Variants in C1QTNF3 observed in about 807,000 individuals in gnomAD.
C1QTNF3 encodes the protein C1q and TNF related 3.
A neutral mutation model predicts 32.6 loss-of-function variants in C1QTNF3; 26 were observed. The observed-to-expected ratio is 0.80, with a 90% confidence interval of 0.58 to 1.11. The LOEUF (loss-of-function observed/expected upper bound fraction) is 1.11. Among genes scored for constraint, C1QTNF3 ranks in the 50% least tolerant of loss-of-function variants. The pLI, the probability that C1QTNF3 is intolerant of heterozygous loss-of-function variation, is 0.00. For missense variants in C1QTNF3, 362 were observed against 398.2 expected, an observed-to-expected ratio of 0.91 and a Z score of 0.77; for synonymous variants, 155 against 146.0, an observed-to-expected ratio of 1.06 and a Z score of -0.44.
chr5:34,135,427 G>T, the C1QTNF3 span, among the ~76,000 whole-genome samples: 2 of 152,016 alleles, frequency 1.3e-5, no homozygotes, highest in African/African-American at 4.8e-5. Flanking sequence ...GATGAGGTTG[G>T]CCTCATAAAA....
At chr5:34,237,155 G>A in the C1QTNF3 span, among the ~76,000 whole-genome samples, 4 of 152,106 alleles carry the variant, frequency 2.6e-5, no homozygotes, top group Admixed American at 6.5e-5. Context: ...TTACATAAAG[G>A]TAAGCGGAGT....
At chr5:34,144,648 A>G in the C1QTNF3 span, among the ~76,000 whole-genome samples, 1 of 152,238 alleles carries the variant, frequency 6.6e-6, no homozygotes, top group Non-Finnish European at 1.5e-5. Flanking sequence ...TTACACAAAT[A>G]CATTAAAATT....
chr5:34,101,175 A>G, the C1QTNF3 span, among the ~76,000 whole-genome samples: 3 of 152,124 alleles, frequency 2.0e-5, no homozygotes, highest in East Asian at 5.8e-4. Flanking sequence ...AAATAAAATT[A>G]TAATTAGTCA....
At chr5:34,058,033 T>A in the C1QTNF3 span, among the ~76,000 whole-genome samples, 1 of 152,114 alleles carries the variant, frequency 6.6e-6, no homozygotes. Context: ...AAAGAAGAAG[T>A]TTGTCCTGTT....
At chr5:34,223,818 A>C in the C1QTNF3 span, among the ~76,000 whole-genome samples, 238 of 152,268 alleles carry the variant, frequency 1.6e-3, 1 homozygote, top group African/African-American at 5.5e-3. Flanking sequence ...AGGCAGGAGA[A>C]GGAAAGAAAG....
chr5:34,028,380 C>T (rs1410012474), intron 4 of C1QTNF3, among the ~76,000 whole-genome samples: 1 of 152,154 alleles, frequency 6.6e-6, no homozygotes, highest in Non-Finnish European at 1.5e-5. Flanking sequence ...AGTTATGACA[C>T]ATTTAAACTG....
At chr5:34,208,480 CCTCT>C in the C1QTNF3 span, among the ~76,000 whole-genome samples, 7 of 151,994 alleles carry the variant, frequency 4.6e-5, no homozygotes, top group African/African-American at 1.7e-4. Context: ...AGTAGCACAC[CCTCT>C]CTTTCACAGT....
intron 3 of C1QTNF3, 102 bp from the exon 4 acceptor site, chr5:34,028,985 G>T (rs1280478245): frequency 4.4e-6 from 4 of 918,452 alleles, no homozygotes; most frequent in East Asian, 2.7e-5. Flanking sequence ...CAGCAAGATT[G>T]GGAATAAACA....
At chr5:34,122,523 G>T in the C1QTNF3 span, among the ~76,000 whole-genome samples, 1 of 152,220 alleles carries the variant, frequency 6.6e-6, no homozygotes, top group Non-Finnish European at 1.5e-5. Context: ...GGAAATTTCT[G>T]AGCAAAGTAT....
chr5:34,142,953 G>C, the C1QTNF3 span, among the ~76,000 whole-genome samples: 1 of 152,148 alleles, frequency 6.6e-6, no homozygotes, highest in Non-Finnish European at 1.5e-5. Flanking sequence ...TGAGATGATG[G>C]ACATAGAATT....
chr5:34,103,842 C>A, the C1QTNF3 span, among the ~76,000 whole-genome samples: 3 of 151,504 alleles, frequency 2.0e-5, no homozygotes, highest in African/African-American at 7.3e-5. Context: ...AAAAGGTAGT[C>A]AAATCACGTT....
chr5:34,156,064 T>C, the C1QTNF3 span, among the ~76,000 whole-genome samples: 1 of 152,192 alleles, frequency 6.6e-6, no homozygotes, highest in South Asian at 2.1e-4. Flanking sequence ...TCTCCAAATT[T>C]TTAAAAATTA....
chr5:34,139,982 G>A, the C1QTNF3 span, among the ~76,000 whole-genome samples: 1 of 152,078 alleles, frequency 6.6e-6, no homozygotes, highest in Non-Finnish European at 1.5e-5. Context: ...TTCATTATTG[G>A]TTATAGCTTA....
chr5:34,132,005 ATAGT>A, the C1QTNF3 span, among the ~76,000 whole-genome samples: 1 of 152,226 alleles, frequency 6.6e-6, no homozygotes, highest in South Asian at 2.1e-4. Flanking sequence ...ATAAATTTAC[ATAGT>A]TAAAATAGAG....
At chr5:34,131,009 G>C in the C1QTNF3 span, among the ~76,000 whole-genome samples, 1 of 152,146 alleles carries the variant, frequency 6.6e-6, no homozygotes, top group African/African-American at 2.4e-5. Flanking sequence ...ACACTATATA[G>C]GTTTTGATTA....
intron 5 of C1QTNF3, 76 bp downstream of exon 5, chr5:34,023,833 G>A (rs576897159): frequency 4.7e-5 from 55 of 1,176,952 alleles, no homozygotes; most frequent in African/African-American, 2.9e-4. Flanking sequence ...ACTCCTATAC[G>A]CTTCCCTGTC....
chr5:34,061,944 T>C, the C1QTNF3 span, among the ~76,000 whole-genome samples: 4 of 152,206 alleles, frequency 2.6e-5, no homozygotes, highest in East Asian at 7.7e-4. Context: ...TTCTTTTCTA[T>C]TGCATTGTCA....
At chr5:34,195,807 T>C in the C1QTNF3 span, among the ~76,000 whole-genome samples, 1 of 150,392 alleles carries the variant, frequency 6.6e-6, no homozygotes, top group Non-Finnish European at 1.5e-5. Context: ...GCCACTGCAC[T>C]CCAGCCTGGG....
the C1QTNF3 span, among the ~76,000 whole-genome samples, chr5:34,048,906 A>G: frequency 3.3e-5 from 5 of 152,226 alleles, no homozygotes; most frequent in East Asian, 9.6e-4. Flanking sequence ...CAGACATTCA[A>G]GCTCCTGGGG....
Sources: gnomAD v4.1 joint callset for allele counts (sites outside exome capture counted in the v4.1 genomes callset) on GRCh38, gnomAD v4.1.1 for gene constraint, MANE v1.5 for transcripts, NCBI Gene and HGNC (gene_info 2026-07-23, HGNC 2026-07-21) for gene names.